The following MAGI3 variants were observed in gnomAD, a reference collection of about 807,000 sequenced individuals.
MAGI3 encodes membrane-associated guanylate kinase, WW and PDZ domain-containing protein 3.
A neutral mutation model predicts 121.8 loss-of-function variants in MAGI3; 43 were observed. The observed-to-expected ratio is 0.35, with a 90% CI of 0.28 to 0.46. The LOEUF (loss-of-function observed/expected upper bound fraction) is 0.46. MAGI3 is among the 20% of genes least tolerant of loss of function. The probability of loss-of-function intolerance (pLI) is 1.00; values close to 1 mark genes in which losing one functional copy is unlikely to be tolerated. For synonymous variants in MAGI3, 553 were observed against 639.3 expected (o/e 0.86, Z 2.04); for missense variants, 1,547 against 1,797.3 (o/e 0.86, Z 2.52).
At chr1:113,620,325 A>T (rs200717891) in intron 8 of MAGI3, among the ~76,000 whole-genome samples, 9 of 152,256 alleles carry the variant, frequency 5.9e-5, no homozygotes, top group East Asian at 3.9e-4. Flanking sequence ...GCATTTTTTT[A>T]AAAATATAGA....
intron 1 of MAGI3, among the ~76,000 whole-genome samples, chr1:113,418,242 A>T (rs574257576): frequency 6.6e-6 from 1 of 152,278 alleles, no homozygotes; most frequent in East Asian, 1.9e-4. Flanking sequence ...TTAGTGTCTG[A>T]TAACTTCAAA....
chr1:113,397,422 G>A (rs1651173312), intron 1 of MAGI3, among the ~76,000 whole-genome samples: 2 of 152,110 alleles, frequency 1.3e-5, no homozygotes, highest in South Asian at 2.1e-4. Context: ...ACAGATTTTG[G>A]TTGAGTGGAA....
chr1:113,624,525 A>G (rs748729089), intron 9 of MAGI3, among the ~76,000 whole-genome samples: 6 of 152,166 alleles, frequency 3.9e-5, no homozygotes, highest in African/African-American at 1.4e-4. Context: ...AGAAATGTCT[A>G]TTCCAATGTT....
intron 5 of MAGI3, among the ~76,000 whole-genome samples, chr1:113,593,967 T>C (rs1648844419): frequency 6.6e-6 from 1 of 152,246 alleles, no homozygotes; most frequent in Non-Finnish European, 1.5e-5. Flanking sequence ...TATTTTATTC[T>C]ATTTTATTTT....
At chr1:113,667,191 C>T (rs895774544) in intron 16 of MAGI3, among the ~76,000 whole-genome samples, 2 of 152,176 alleles carry the variant, frequency 1.3e-5, no homozygotes, top group Non-Finnish European at 2.9e-5. Flanking sequence ...AGCTTTGAAG[C>T]CAGGCATTGA....
At chr1:113,618,799 C>G (rs771455708) in intron 7 of MAGI3, among the ~76,000 whole-genome samples, 2 of 152,186 alleles carry the variant, frequency 1.3e-5, no homozygotes, top group East Asian at 1.9e-4. Context: ...CCACTGCACC[C>G]GGCCTCACTT....
At chr1:113,678,884 C>T (rs1422726293) in intron 19 of MAGI3, among the ~76,000 whole-genome samples, 24 of 152,278 alleles carry the variant, frequency 1.6e-4, no homozygotes, top group Non-Finnish European at 1.0e-4. Context: ...TTGAGTCCTT[C>T]TGTTTTGTTA....
chr1:113,679,586 C>T (rs1005551529), intron 19 of MAGI3, among the ~76,000 whole-genome samples: 5 of 152,096 alleles, frequency 3.3e-5, no homozygotes, highest in Non-Finnish European at 5.9e-5. Flanking sequence ...CAAAGTTATA[C>T]TTGACTTTTA....
At chr1:113,569,981 A>G (rs1647213753) in intron 2 of MAGI3, among the ~76,000 whole-genome samples, 1 of 152,054 alleles carries the variant, frequency 6.6e-6, no homozygotes, top group Non-Finnish European at 1.5e-5. Flanking sequence ...CCATCAACCT[A>G]TCATCTAGAT....
At chr1:113,425,273 A>ATTTTTTTT (rs949045641) in intron 1 of MAGI3, among the ~76,000 whole-genome samples, 2 of 86,862 alleles carry the variant, frequency 2.3e-5, no homozygotes, top group Non-Finnish European at 4.5e-5. Context: ...TACAAATTCA[A>ATTTTTTTT]TTTTTTTTTT....
chr1:113,555,874 C>G (rs1248155654), intron 2 of MAGI3, among the ~76,000 whole-genome samples: 1 of 151,406 alleles, frequency 6.6e-6, no homozygotes, highest in Non-Finnish European at 1.5e-5. Flanking sequence ...GGAATGAGAC[C>G]CTGTCTCTTA....
chr1:113,415,376 C>T lies in MAGI3; in HGVS notation c.316+24027C>T, dbSNP rs555663065. ...ATTTTGTAACCATCCCCATTCCCCA[C>T]GCCTGATAGAACATCTAACACTAAT... is the stretch of plus-strand genomic sequence containing the variant. On this transcript the variant is annotated intron_variant, in intron 1 of 20. Transcript: ENST00000307546. 6.6e-5 allele frequency among the ~76,000 whole-genome samples: 10 copies of T among 152,138 alleles called. No individual in the cohort carries two copies. The South Asian group carries it at 1.2e-3, about 19-fold the overall frequency.
Position 113,480,676 on chromosome 1 carries a change from G to A in MAGI3, c.317-68839G>A, listed in dbSNP as rs560033982. On this transcript the variant is annotated intron_variant, in intron 1 of 20. Coordinates refer to ENST00000307546, the MANE Select transcript of MAGI3 (RefSeq NM_001142782.2). ...CAGGTAATGTGAAACTGTCCTTACCGTCTTCAGTGTGCCTTCTTATTTCCA... is the reference window on the plus strand; with the variant it reads ...CAGGTAATGTGAAACTGTCCTTACCATCTTCAGTGTGCCTTCTTATTTCCA... Among the ~76,000 whole-genome samples the A allele has an allele frequency of 8.3e-4, 126 of 152,330 alleles. 1 individual carries two copies. The highest frequency in any genetic ancestry group is 2.3e-3 in the African/African-American group (95 of 41,576).
chr1:113,453,008 C>T (rs1236416626), intron 1 of MAGI3, among the ~76,000 whole-genome samples: 1 of 152,108 alleles, frequency 6.6e-6, no homozygotes, highest in Non-Finnish European at 1.5e-5. Context: ...AAGTCAGACC[C>T]TTATAAGTAA....
intron 1 of MAGI3, among the ~76,000 whole-genome samples, chr1:113,428,510 A>G (rs1204673040): frequency 6.6e-6 from 1 of 152,220 alleles, no homozygotes; most frequent in African/African-American, 2.4e-5. Flanking sequence ...GAACCACTAT[A>G]GTGTTCAGTA....
intron 1 of MAGI3, among the ~76,000 whole-genome samples, chr1:113,399,019 C>T (rs1557734966): frequency 6.6e-6 from 1 of 151,920 alleles, no homozygotes; most frequent in Non-Finnish European, 1.5e-5. Context: ...GACTTACATA[C>T]ATTAAAATCC....
In MAGI3 at chr1:113,621,854, C is replaced by T. The variant is rs1650839266; in HGVS notation, c.1172-952C>T. ...CAAGTGAAAGAAACCATTCAAAAAA[C>T]CACATATTGTCTGATTTTGTTTATA... On this transcript the variant is annotated intron_variant, in intron 8 of 20. Transcript: ENST00000307546. Among the ~76,000 whole-genome samples, 5 of 151,956 alleles carry T rather than the reference C, an allele frequency of 3.3e-5. No homozygotes were observed. In the South Asian group the frequency reaches 1.0e-3, roughly 32 times the overall value.
chr1:113,532,749 T>G (rs2101643426), intron 1 of MAGI3, among the ~76,000 whole-genome samples: 1 of 152,310 alleles, frequency 6.6e-6, no homozygotes, highest in Admixed American at 6.5e-5. Flanking sequence ...TGTGAATTAT[T>G]TATTAGAGAG....
intron 1 of MAGI3, among the ~76,000 whole-genome samples, chr1:113,425,273 A>ATTTT (rs949045641): frequency 4.6e-5 from 4 of 86,862 alleles, no homozygotes; most frequent in South Asian, 3.7e-4. Flanking sequence ...TACAAATTCA[A>ATTTT]TTTTTTTTTT....
Sources: allele counts gnomAD v4.1 joint callset (sites outside exome capture counted in the v4.1 genomes callset), GRCh38; gene constraint gnomAD v4.1.1; transcripts MANE v1.5; gene names NCBI Gene and HGNC (gene_info 2026-07-23, HGNC 2026-07-21).